The following ATP10B variants were observed in gnomAD, a reference collection of about 807,000 sequenced individuals.
ATP10B encodes phospholipid-transporting ATPase VB.
A neutral mutation model predicts 141.2 loss-of-function variants in ATP10B; 122 were observed. The observed-to-expected ratio is 0.86, with a 90% CI of 0.75 to 1.00. The LOEUF is 1.00. Among genes scored for constraint, ATP10B ranks in the 50% least tolerant of loss-of-function variants. The probability of loss-of-function intolerance (pLI) is 0.00; values close to 1 mark genes in which losing one functional copy is unlikely to be tolerated. For synonymous variants in ATP10B, 685 were observed against 692.0 expected (o/e 0.99, Z 0.16); for missense variants, 1,876 against 1,825.3 (o/e 1.03, Z -0.51).
chr5:160,886,683 C>G, the ATP10B span, among the ~76,000 whole-genome samples: 2 of 152,274 alleles, frequency 1.3e-5, no homozygotes, highest in Middle Eastern at 6.8e-3. Flanking sequence ...TCCCTTCTTC[C>G]AGAGTGGTCC....
chr5:160,591,598 TCA>T (rs149450014), intron 22 of ATP10B, among the ~76,000 whole-genome samples: 2,490 of 152,282 alleles, frequency 0.016, 59 homozygotes, highest in African/African-American at 0.056. Context: ...GTAGCTCGAA[TCA>T]CAGGTTCCCC....
the ATP10B span, among the ~76,000 whole-genome samples, chr5:160,869,150 T>C: frequency 6.6e-6 from 1 of 152,200 alleles, no homozygotes. Context: ...GTAAATTCTC[T>C]AGATATCTGA....
intron 1 of ATP10B, 115 bp from the exon 2 acceptor site, chr5:160,785,918 A>G: frequency 4.7e-6 from 1 of 211,618 alleles, no homozygotes; most frequent in Non-Finnish European, 9.5e-6. Flanking sequence ...CTTTAGACAC[A>G]CTTTATAGAG....
At chr5:160,879,924 A>G in the ATP10B span, among the ~76,000 whole-genome samples, 1 of 152,078 alleles carries the variant, frequency 6.6e-6, no homozygotes, top group African/African-American at 2.4e-5. Flanking sequence ...TTAACATACA[A>G]ATGCCAATTG....
chr5:160,824,068 C>A (rs1774388981), intron 1 of ATP10B, among the ~76,000 whole-genome samples: 1 of 152,018 alleles, frequency 6.6e-6, no homozygotes, highest in Admixed American at 6.6e-5. Flanking sequence ...GTCACCCAGG[C>A]TGGAGAACAG....
chr5:160,656,928 T>C (rs964457225), intron 7 of ATP10B, among the ~76,000 whole-genome samples: 1 of 152,176 alleles, frequency 6.6e-6, no homozygotes, highest in Non-Finnish European at 1.5e-5. Context: ...ACGAGTTGGA[T>C]TAGTGACTGC....
chr5:160,679,644 A>AC (rs1763255242), intron 6 of ATP10B, among the ~76,000 whole-genome samples: 1 of 152,150 alleles, frequency 6.6e-6, no homozygotes, highest in Non-Finnish European at 1.5e-5. Flanking sequence ...GTTCCTCGTG[A>AC]CCCCTAGACT....
the ATP10B span, among the ~76,000 whole-genome samples, chr5:160,882,578 G>A: frequency 7.5e-6 from 1 of 133,128 alleles, no homozygotes; most frequent in Non-Finnish European, 1.7e-5. Flanking sequence ...ATTGTGCCTG[G>A]GGTTAAAAAA....
At chr5:160,783,745 T>C (rs910778073) in intron 2 of ATP10B, among the ~76,000 whole-genome samples, 23 of 151,988 alleles carry the variant, frequency 1.5e-4, no homozygotes, top group Admixed American at 1.4e-3. Context: ...TGTGGGTAGA[T>C]ACCTAGTAGT....
chr5:160,735,613 A>T (rs1310357666), intron 2 of ATP10B, among the ~76,000 whole-genome samples: 1 of 152,152 alleles, frequency 6.6e-6, no homozygotes, highest in African/African-American at 2.4e-5. Context: ...AACAAAAAAA[A>T]TCAGACTTAA....
intron 6 of ATP10B, among the ~76,000 whole-genome samples, chr5:160,673,772 A>G (rs572489078): frequency 2.4e-4 from 37 of 152,216 alleles, no homozygotes; most frequent in African/African-American, 7.9e-4. Context: ...GACTCAGGGG[A>G]TAATATTTTT....
the ATP10B span, among the ~76,000 whole-genome samples, chr5:160,914,287 A>G: frequency 1.3e-5 from 2 of 152,178 alleles, no homozygotes; most frequent in Non-Finnish European, 2.9e-5. Flanking sequence ...TATTCTAAAG[A>G]AAGTGTGTAA....
chr5:160,767,159 T>C (rs1475575241), intron 2 of ATP10B, among the ~76,000 whole-genome samples: 1 of 152,208 alleles, frequency 6.6e-6, no homozygotes, highest in African/African-American at 2.4e-5. Context: ...TTTAAGAAAG[T>C]TAATACATTT....
chr5:160,910,827 G>A, the ATP10B span, among the ~76,000 whole-genome samples: 1 of 152,164 alleles, frequency 6.6e-6, no homozygotes, highest in African/African-American at 2.4e-5. Context: ...TTTGGATATG[G>A]TTTGTATGGC....
chr5:160,852,920 A>G (rs931860156), upstream of ATP10B, among the ~76,000 whole-genome samples: 1 of 152,066 alleles, frequency 6.6e-6, no homozygotes, highest in African/African-American at 2.4e-5. Context: ...AAAAAGAAAT[A>G]TTACCAAACT....
the ATP10B span, among the ~76,000 whole-genome samples, chr5:160,874,045 G>C: frequency 6.6e-6 from 1 of 152,180 alleles, no homozygotes; most frequent in Non-Finnish European, 1.5e-5. Flanking sequence ...AGCTCAAGGA[G>C]GCCTGCCTGC....
At chr5:160,799,447 C>T (rs976926250) in intron 1 of ATP10B, among the ~76,000 whole-genome samples, 8 of 152,210 alleles carry the variant, frequency 5.3e-5, no homozygotes, top group Non-Finnish European at 1.0e-4. Flanking sequence ...CCCTTGTCCT[C>T]CTCCTTCTAG....
rs187703339 is a variant in ATP10B at position 160,769,091 on chromosome 5, C to T, written c.-331+16468G>A. ...CCCCATGTATACCATTTGATGCACA[C>T]TGAAAGACAGAGTTTCCATAGATGA... is the stretch of plus-strand genomic sequence containing the variant. On this transcript the variant is annotated intron_variant, in intron 2 of 25. Transcript: ENST00000327245. 7.9e-5 allele frequency among the ~76,000 whole-genome samples: 12 copies of T among 152,326 alleles called. No individual in the cohort carries two copies. The East Asian group carries it at 2.3e-3, about 29-fold the overall frequency.
At chr5:160,756,309 CT>C (rs1265656412) in intron 2 of ATP10B, among the ~76,000 whole-genome samples, 1 of 152,022 alleles carries the variant, frequency 6.6e-6, no homozygotes, top group Non-Finnish European at 1.5e-5. Flanking sequence ...TAGTTTTTGG[CT>C]GTATAAATAA....
Sources: gnomAD v4.1 joint callset for allele counts (sites outside exome capture counted in the v4.1 genomes callset) on GRCh38, gnomAD v4.1.1 for gene constraint, MANE v1.5 for transcripts, NCBI Gene and HGNC (gene_info 2026-07-23, HGNC 2026-07-21) for gene names.